DAB1: variants seen among roughly 807,000 people sequenced by gnomAD.
The protein encoded by DAB1 is disabled homolog 1.
Under a neutral mutation model 64.6 loss-of-function variants are expected in DAB1, and 15 were observed. The observed-to-expected ratio is 0.23, with a 90% CI of 0.16 to 0.36. The LOEUF is 0.36. Among genes scored for constraint, DAB1 ranks in the 10% least tolerant of loss-of-function variants. The pLI is 1.00. For missense variants in DAB1, 596 were observed against 706.7 expected (o/e 0.84, Z 1.78); for synonymous variants, 235 against 251.9 (o/e 0.93, Z 0.64).
chr1:57,407,843 A>G (rs1366755889), intron 1 of DAB1, among the ~76,000 whole-genome samples: 1 of 151,798 alleles, frequency 6.6e-6, no homozygotes, highest in East Asian at 1.9e-4. Context: ...CAAATGTAAG[A>G]TTACCACTGC....
chr1:58,145,481 C>T (rs1476080082), intron 5 of DAB1, among the ~76,000 whole-genome samples: 3 of 152,208 alleles, frequency 2.0e-5, no homozygotes, highest in African/African-American at 4.8e-5. Context: ...TAGAGCACAT[C>T]GTCTGGCCCA....
chr1:58,397,943 C>T (rs1644536710), intron 3 of DAB1, among the ~76,000 whole-genome samples: 2 of 152,266 alleles, frequency 1.3e-5, no homozygotes, highest in South Asian at 4.1e-4. Flanking sequence ...TATAGCAGAC[C>T]CTCAACCAGT....
intron 4 of DAB1, among the ~76,000 whole-genome samples, chr1:57,110,404 C>A (rs1655550239): frequency 6.6e-6 from 1 of 152,316 alleles, no homozygotes; most frequent in East Asian, 1.9e-4. Flanking sequence ...TGGGGTTTGT[C>A]ACTTTTGGCT....
chr1:57,786,897 T>C (rs899160631), intron 6 of DAB1, among the ~76,000 whole-genome samples: 2 of 152,128 alleles, frequency 1.3e-5, no homozygotes, highest in Non-Finnish European at 2.9e-5. Flanking sequence ...TATGGTTTTC[T>C]TCAATAAGCT....
chr1:57,650,796 A>G lies in DAB1; in HGVS notation n.552-1131T>C, dbSNP rs1264433276. Among the ~76,000 whole-genome samples the G allele has an allele frequency of 3.9e-5, 6 of 152,194 alleles. 1 individual carries two copies. Among genetic ancestry groups the G allele is most frequent in the Admixed American group, 2.0e-4 (3 of 15,282 alleles). ...GTTGGGGACTCCCTATTCCCCAGCA[A>G]TACCTCCATTCTGAAGATAACACTG... On this transcript the variant is annotated intron_variant and non_coding_transcript_variant, in intron 6 of 20. Coordinates refer to the DAB1 transcript ENST00000485760.
At chr1:57,166,872 C>A (rs1413478706) in intron 2 of DAB1, among the ~76,000 whole-genome samples, 3 of 152,106 alleles carry the variant, frequency 2.0e-5, no homozygotes, top group Non-Finnish European at 2.9e-5. Context: ...AGTCAGACAG[C>A]CAGGAAGAAG....
intron 1 of DAB1, among the ~76,000 whole-genome samples, chr1:57,291,711 C>T: frequency 6.6e-6 from 1 of 152,174 alleles, no homozygotes; most frequent in East Asian, 1.9e-4. Flanking sequence ...ATTTTTATGT[C>T]AGATTTTCCT....
At chr1:57,039,702 C>T (rs1465139193) in intron 9 of DAB1, among the ~76,000 whole-genome samples, 1 of 152,130 alleles carries the variant, frequency 6.6e-6, no homozygotes, top group African/African-American at 2.4e-5. Context: ...TGTTTTGATG[C>T]TCAGTTTTTC....
intron 2 of DAB1, among the ~76,000 whole-genome samples, chr1:57,175,924 A>G (rs1285148484): frequency 6.6e-6 from 1 of 152,212 alleles, no homozygotes; most frequent in African/African-American, 2.4e-5. Flanking sequence ...CTCTCTGGTT[A>G]AAAGCATTAT....
intron 5 of DAB1, among the ~76,000 whole-genome samples, chr1:58,064,087 A>T (rs1648681273): frequency 6.6e-6 from 1 of 152,120 alleles, no homozygotes; most frequent in Non-Finnish European, 1.5e-5. Context: ...GTTACAGTAA[A>T]ATGAGGGGCT....
At chr1:57,547,318 G>C (rs917753688) in intron 7 of DAB1, among the ~76,000 whole-genome samples, 7 of 151,332 alleles carry the variant, frequency 4.6e-5, no homozygotes, top group African/African-American at 9.8e-5. Context: ...TTTTTTTTAA[G>C]TTTCTTTCTT....
intron 7 of DAB1, among the ~76,000 whole-genome samples, chr1:57,615,802 T>A (rs1645785159): frequency 6.6e-6 from 1 of 152,202 alleles, no homozygotes; most frequent in Non-Finnish European, 1.5e-5. Context: ...ACTGAAAGCA[T>A]CTTAAGGGTT....
At chr1:57,213,161 G>A (rs197607) in intron 2 of DAB1, among the ~76,000 whole-genome samples, 69,303 of 148,134 alleles carry the variant, frequency 0.47, 16,501 homozygotes, top group African/African-American at 0.57. Context: ...ATGTTCTAGT[G>A]ACCACATTTT....
chr1:57,033,987 T>C (rs992611198), intron 9 of DAB1, among the ~76,000 whole-genome samples: 2 of 152,148 alleles, frequency 1.3e-5, no homozygotes, highest in Non-Finnish European at 2.9e-5. Context: ...CTGCCTGAAA[T>C]GCTCTTCCCC....
Position 57,562,207 on chromosome 1 carries a change from T to C in DAB1, n.625+87385A>G, listed in dbSNP as rs149535331. Among the ~76,000 whole-genome samples, 604 of 152,282 alleles carry C rather than the reference T, an allele frequency of 4.0e-3. 3 individuals are homozygous for C. Among genetic ancestry groups the C allele is most frequent in the African/African-American group, 0.014 (566 of 41,568 alleles). ...GGCCAACATGATGAAACCCCATCTCTACTAAAAATACAAAAATTAGCCAGG... is the reference window on the plus strand; with the variant it reads ...GGCCAACATGATGAAACCCCATCTCCACTAAAAATACAAAAATTAGCCAGG... On this transcript the variant is annotated intron_variant and non_coding_transcript_variant, in intron 7 of 20. Transcript: ENST00000485760.
chr1:57,664,296 A>G (rs1466904382), intron 6 of DAB1, among the ~76,000 whole-genome samples: 2 of 152,202 alleles, frequency 1.3e-5, no homozygotes, highest in African/African-American at 4.8e-5. Flanking sequence ...TTCAAACTCA[A>G]TTTCCTCTAG....
intron 5 of DAB1, among the ~76,000 whole-genome samples, chr1:58,117,990 G>A (rs548152211): frequency 3.3e-5 from 5 of 151,826 alleles, no homozygotes; most frequent in Admixed American, 1.3e-4. Flanking sequence ...CTATAGCCTC[G>A]ACTTCCCAGG....
intron 1 of DAB1, among the ~76,000 whole-genome samples, chr1:58,532,587 G>A (rs916845236): frequency 5.3e-5 from 8 of 152,112 alleles, no homozygotes; most frequent in Non-Finnish European, 8.8e-5. Flanking sequence ...GAGTGCAGTG[G>A]TGCGATCATG....
chr1:57,054,528 A>T (rs560757196), intron 9 of DAB1, among the ~76,000 whole-genome samples: 6 of 119,182 alleles, frequency 5.0e-5, no homozygotes, highest in African/African-American at 1.7e-4. Context: ...CCCAGGCTGG[A>T]GTGCAGTGGT....
Sources: allele counts gnomAD v4.1 joint callset (sites outside exome capture counted in the v4.1 genomes callset), GRCh38; gene constraint gnomAD v4.1.1; transcripts MANE v1.5; gene names NCBI Gene and HGNC (gene_info 2026-07-23, HGNC 2026-07-21).